Variants in PIK3C2A observed in about 807,000 individuals in gnomAD.
PIK3C2A encodes the protein phosphatidylinositol-4-phosphate 3-kinase catalytic subunit type 2 alpha.
A neutral mutation model predicts 204.5 loss-of-function variants in PIK3C2A; 97 were observed. The observed-to-expected ratio is 0.47, with a 90% CI of 0.40 to 0.56. The LOEUF (loss-of-function observed/expected upper bound fraction) is 0.56, where lower values mean the gene tolerates loss of function less well. PIK3C2A is among the 20% of genes least tolerant of loss of function. The pLI, the probability that PIK3C2A is intolerant of heterozygous loss-of-function variation, is 0.00. For missense variants in PIK3C2A, 1,735 were observed against 1,969.2 expected, an observed-to-expected ratio of 0.88 and a Z score of 2.25; for synonymous variants, 653 against 664.4, an observed-to-expected ratio of 0.98 and a Z score of 0.26.
intron 1 of PIK3C2A, among the ~76,000 whole-genome samples, chr11:17,178,315 T>C (rs1335663637): frequency 6.6e-6 from 1 of 152,126 alleles, no homozygotes; most frequent in African/African-American, 2.4e-5. Flanking sequence ...ACTAGTTACA[T>C]TTCAAGTGCT....
At position 17,148,741 on chromosome 11, in the gene PIK3C2A, T is replaced by C; in HGVS notation, c.1374A>G (p.Val458=). 6.2e-7 allele frequency: 1 copy of C among 1,612,538 alleles called. No individual in the cohort carries two copies. Among genetic ancestry groups the C allele is most frequent in the South Asian group, 1.1e-5 (1 of 91,040 alleles). ...CATCTACTTGATTCAAGTCATCATG[T>C]ACCCAGCAAAGGGCTTGCATTATAA... ...EIIIMQALCW[V]HDDLNQVDVG... Residue 458 remains valine (V), a synonymous_variant, in exon 5 of 33, where the codon GTA becomes GTG. Transcript: ENST00000691414.
chr11:17,176,344 T>C (rs543050649), intron 1 of PIK3C2A, among the ~76,000 whole-genome samples: 1 of 151,932 alleles, frequency 6.6e-6, no homozygotes, highest in African/African-American at 2.4e-5. Context: ...AATAAAATCA[T>C]GGGCTGGGCG....
At chr11:17,094,833 C>T (rs1424225736) in intron 27 of PIK3C2A, among the ~76,000 whole-genome samples, 2 of 152,200 alleles carry the variant, frequency 1.3e-5, no homozygotes, top group African/African-American at 4.8e-5. Context: ...AGTTCAAGTA[C>T]TTTTATCTTG....
At chr11:17,101,232 G>T in intron 25 of PIK3C2A, 46 bp downstream of exon 25, 1 of 1,044,862 alleles carries the variant, frequency 9.6e-7, no homozygotes. Flanking sequence ...TTGAAACATA[G>T]ATGCATTAAT....
intron 13 of PIK3C2A, among the ~76,000 whole-genome samples, chr11:17,126,189 C>T (rs904325508): frequency 6.6e-5 from 10 of 152,022 alleles, no homozygotes; most frequent in African/African-American, 2.4e-4. Context: ...TCAGAAATAA[C>T]TGTAAAGGAA....
intron 9 of PIK3C2A, among the ~76,000 whole-genome samples, chr11:17,136,040 G>C (rs903347604): frequency 6.6e-6 from 1 of 152,150 alleles, no homozygotes; most frequent in African/African-American, 2.4e-5. Context: ...GGCTGCTTCT[G>C]AGGCATTACA....
intron 1 of PIK3C2A, among the ~76,000 whole-genome samples, chr11:17,190,794 CAG>C (rs1565303519): frequency 1.3e-5 from 2 of 151,718 alleles, no homozygotes; most frequent in Non-Finnish European, 1.5e-5. Flanking sequence ...CAAAATGAAA[CAG>C]AGAAAAAGAG....
intron 13 of PIK3C2A, among the ~76,000 whole-genome samples, chr11:17,128,411 A>G (rs1849592531): frequency 6.6e-6 from 1 of 151,138 alleles, no homozygotes; most frequent in Non-Finnish European, 1.5e-5. Flanking sequence ...GCTAATGTTT[A>G]TATTTTTGGC....
chr11:17,136,474 A>C lies in PIK3C2A; in HGVS notation c.1848+8T>G. The C allele has an allele frequency of 6.2e-7, 1 of 1,601,278 alleles. No homozygotes were observed. The highest frequency in any genetic ancestry group is 8.5e-7 in the Non-Finnish European group (1 of 1,170,432). On this transcript the variant is annotated splice_region_variant and intron_variant, in intron 9 of 32. Transcript: ENST00000691414. ...TGTAATAAAATCCTAGTTACCAAAAATACTCACATCAGCAGTTTTACTCCT... is the reference window on the plus strand; with the variant it reads ...TGTAATAAAATCCTAGTTACCAAAACTACTCACATCAGCAGTTTTACTCCT...
rs1590930087 is a variant in PIK3C2A at position 17,119,988 on chromosome 11, AGAATT to A, written c.2658-19_2658-15del. Reference sequence around the variant, plus strand: ...TCTTTAGAAAGTCTGCATATATAATAGAATTAAATTACTTCTCAGTGATAACATAA... The same window carrying A: ...TCTTTAGAAAGTCTGCATATATAATAAAATTACTTCTCAGTGATAACATAA... On this transcript the variant is annotated splice_polypyrimidine_tract_variant and intron_variant, in intron 15 of 32. Coordinates refer to ENST00000691414, the MANE Select transcript of PIK3C2A (RefSeq NM_002645.4). 8.3e-7 allele frequency: 1 copy of A among 1,211,594 alleles called. No individual in the cohort carries two copies. 75.1% of individuals were successfully genotyped at this position (1,211,594 alleles called of 1,614,324 possible).
intron 15 of PIK3C2A, among the ~76,000 whole-genome samples, chr11:17,121,925 T>C (rs1325080865): frequency 6.6e-6 from 1 of 151,770 alleles, no homozygotes; most frequent in Non-Finnish European, 1.5e-5. Context: ...AGGTTTGACT[T>C]GACAAATTTC....
At chr11:17,198,980 G>A (rs924327964) in intron 1 of PIK3C2A, among the ~76,000 whole-genome samples, 1 of 152,002 alleles carries the variant, frequency 6.6e-6, no homozygotes, top group Non-Finnish European at 1.5e-5. Flanking sequence ...TTAGCCACGC[G>A]TGCTGACAGG....
At chr11:17,111,882 CAAAAAAAA>C (rs201931743) in intron 21 of PIK3C2A, among the ~76,000 whole-genome samples, 1 of 31,434 alleles carries the variant, frequency 3.2e-5, no homozygotes, top group African/African-American at 1.2e-4. Context: ...GTCTCCAAAA[CAAAAAAAA>C]AAAAAAAAAA....
intron 22 of PIK3C2A, among the ~76,000 whole-genome samples, chr11:17,107,899 T>C (rs893090853): frequency 7.2e-5 from 11 of 152,124 alleles, no homozygotes; most frequent in Non-Finnish European, 1.5e-4. Flanking sequence ...TGAGACAGAG[T>C]CTCACTCTGT....
At position 17,114,348 on chromosome 11, in the gene PIK3C2A, T is replaced by C. The variant is rs778032036; in HGVS notation, c.3321+13A>G. ...CAAATGTAATATGAACTTATAAGTA[T>C]TTTATGTGTCACCTTAATATTTAAT... On this transcript the variant is annotated intron_variant, in intron 20 of 32. Transcript: ENST00000691414. 4 of 1,250,854 alleles carry C rather than the reference T, an allele frequency of 3.2e-6. No homozygotes were observed. Among genetic ancestry groups the C allele is most frequent in the Admixed American group, 1.7e-5 (1 of 59,218 alleles). The allele number at this position is 1,250,854 out of a possible 1,614,324, so 77.5% of individuals were successfully genotyped here.
At chr11:17,171,741 T>C (rs77020464) in intron 1 of PIK3C2A, among the ~76,000 whole-genome samples, 1 of 152,248 alleles carries the variant, frequency 6.6e-6, no homozygotes, top group Non-Finnish European at 1.5e-5. Flanking sequence ...ACAAAGCACT[T>C]AGAGGAAAGT....
intron 12 of PIK3C2A, among the ~76,000 whole-genome samples, chr11:17,130,806 C>CAA (rs1224352745): frequency 3.5e-4 from 19 of 54,700 alleles, no homozygotes; most frequent in African/African-American, 9.3e-4. Context: ...GACTCCATCT[C>CAA]AAAAAAAAAA....
At chr11:17,099,990 T>G in intron 25 of PIK3C2A, 21 bp from the exon 26 acceptor site, 2 of 1,166,018 alleles carry the variant, frequency 1.7e-6, no homozygotes, top group East Asian at 2.3e-5. Context: ...AAACAAAAAG[T>G]TCTGTGAGTT....
In PIK3C2A at chr11:17,094,265, G is replaced by T; in HGVS notation, c.4447C>A (p.Pro1483Thr). The T allele has an allele frequency of 6.2e-7, 1 of 1,608,202 alleles. No homozygotes were observed. Among genetic ancestry groups the T allele is most frequent in the Admixed American group, 1.7e-5 (1 of 59,626 alleles). Residue 1483 changes from proline (P) to threonine (T), a missense_variant, in exon 28 of 33, where the codon CCA (proline) becomes ACA (threonine). This residue lies in a region of PIK3C2A where 503 missense variants were observed against 669.0 expected (regional missense o/e 0.75). Coordinates refer to ENST00000691414, the MANE Select transcript of PIK3C2A (RefSeq NM_002645.4). ...TGTACAAGGATGAATACATACCCTG[G>T]TAACTTCCAAAGTGGAAAAATAATA... is the stretch of plus-strand genomic sequence containing the variant. ...LSIIFPLWKL[P>T]GFPNRMVLGR...
Sources: gnomAD v4.1 joint callset for allele counts (sites outside exome capture counted in the v4.1 genomes callset) on GRCh38, gnomAD v4.1.1 for gene constraint, gnomAD v4.1.1 regional missense constraint, MANE v1.5 for transcripts, NCBI Gene and HGNC (gene_info 2026-07-23, HGNC 2026-07-21) for gene names.